The following YWHAG variants were observed in gnomAD, a reference collection of about 807,000 sequenced individuals.
The protein encoded by YWHAG is 14-3-3 protein gamma.
Under a neutral mutation model 23.3 loss-of-function variants are expected in YWHAG, and 1 was observed. The observed-to-expected ratio is 0.04, with a 90% CI of 0.02 to 0.20. The LOEUF is 0.20. Among genes scored for constraint, YWHAG ranks in the 10% least tolerant of loss-of-function variants. YWHAG has a pLI of 1.00. For missense variants in YWHAG, 151 were observed against 338.6 expected (o/e 0.45, Z 4.35); for synonymous variants, 160 against 144.0 (o/e 1.11, Z -0.80).
chr7:76,351,221 C>T (rs939179922), intron 1 of YWHAG, among the ~76,000 whole-genome samples: 2 of 152,172 alleles, frequency 1.3e-5, no homozygotes, highest in Non-Finnish European at 2.9e-5. Context: ...CACAGCCTTC[C>T]AAAGACTACA....
intron 1 of YWHAG, among the ~76,000 whole-genome samples, chr7:76,346,396 T>G (rs1803779964): frequency 6.6e-6 from 1 of 152,234 alleles, no homozygotes; most frequent in Non-Finnish European, 1.5e-5. Flanking sequence ...GAATGTCAGT[T>G]CTACCAGGGA....
At chr7:76,357,457 A>G (rs1272876393) in intron 1 of YWHAG, among the ~76,000 whole-genome samples, 1 of 152,176 alleles carries the variant, frequency 6.6e-6, no homozygotes, top group Non-Finnish European at 1.5e-5. Context: ...TCATTAGATT[A>G]ATTTTCTACC....
At chr7:76,358,543 GGCCGCGTCACA>G (rs1583997584) in intron 1 of YWHAG, among the ~76,000 whole-genome samples, 168 bp downstream of exon 1, 1 of 152,212 alleles carries the variant, frequency 6.6e-6, no homozygotes, top group East Asian at 1.9e-4. Flanking sequence ...TCCGAAAAGA[GGCCGCGTCACA>G]GCCCGGGTTC....
rs950869671 is a variant in YWHAG, at chr7:76,327,282, T to C, written c.*2295A>G. 6.6e-6 allele frequency: 1 copy of C among 151,988 alleles called. No homozygotes were observed. Among genetic ancestry groups the C allele is most frequent in the Non-Finnish European group, 1.5e-5 (1 of 67,994 alleles). 9.4% of individuals were successfully genotyped at this position (151,988 alleles called of 1,614,324 possible). Reference sequence around the variant, plus strand: ...TAATTTTTTTTGTCATAGGAATACATAACACCTACAGTATAAGTTAATCAA... The same window carrying C: ...TAATTTTTTTTGTCATAGGAATACACAACACCTACAGTATAAGTTAATCAA... On this transcript the variant is annotated 3_prime_UTR_variant, in exon 2 of 2. Coordinates refer to ENST00000307630, the MANE Select transcript of YWHAG (RefSeq NM_012479.4).
chr7:76,342,008 C>G (rs1486257896), intron 1 of YWHAG, among the ~76,000 whole-genome samples: 1 of 152,164 alleles, frequency 6.6e-6, no homozygotes, highest in African/African-American at 2.4e-5. Flanking sequence ...ATTCGAAATA[C>G]TTGATGCTTC....
intron 1 of YWHAG, among the ~76,000 whole-genome samples, chr7:76,338,339 C>T (rs10238642): frequency 1.2e-4 from 18 of 152,056 alleles, no homozygotes; most frequent in African/African-American, 4.1e-4. Context: ...GCCTCAGAGT[C>T]GTGAAATTTC....
intron 1 of YWHAG, among the ~76,000 whole-genome samples, chr7:76,337,177 C>T (rs969907303): frequency 2.0e-5 from 3 of 152,180 alleles, no homozygotes; most frequent in Non-Finnish European, 4.4e-5. Flanking sequence ...GAAAGGCCTG[C>T]TTACAAGGCT....
chr7:76,348,606 G>A (rs955542076), intron 1 of YWHAG, among the ~76,000 whole-genome samples: 15 of 151,886 alleles, frequency 9.9e-5, no homozygotes, highest in Admixed American at 7.9e-4. Context: ...GGGTTTCACC[G>A]TGTTTGCCAG....
Position 76,331,287 on chromosome 7 carries a change from G to GGAGAGGAGAA in YWHAG, c.88-1055_88-1054insTTCTCCTCTC, listed in dbSNP as rs1161619243. Among the ~76,000 whole-genome samples, 6 of 24,006 alleles carry GGAGAGGAGAA rather than the reference G, an allele frequency of 2.5e-4. No homozygotes were observed. In the South Asian group the frequency reaches 6.4e-3, roughly 25 times the overall value. 15.7% of individuals were successfully genotyped at this position (24,006 alleles called of 152,430 possible). A position where few individuals can be genotyped will look rare whatever the true frequency, so the allele number is the denominator to read the frequency against. The stretch of plus-strand genomic sequence containing the variant: ...GCACATGCCAACTGGCTGGGGATGG[G>GGAGAGGAGAA]GAGAGGAGAGGAGAGGAGAGAAGAA... On this transcript the variant is annotated intron_variant, in intron 1 of 1. Coordinates refer to ENST00000307630, the MANE Select transcript of YWHAG (RefSeq NM_012479.4).
At chr7:76,348,561 G>A (rs547570920) in intron 1 of YWHAG, among the ~76,000 whole-genome samples, 89 of 151,680 alleles carry the variant, frequency 5.9e-4, no homozygotes, top group Non-Finnish European at 7.2e-4. Flanking sequence ...CCGCCACCAC[G>A]CCCGACTAAT....
At chr7:76,331,548 G>C (rs542433087) in intron 1 of YWHAG, among the ~76,000 whole-genome samples, 1 of 149,830 alleles carries the variant, frequency 6.7e-6, no homozygotes, top group Non-Finnish European at 1.5e-5. Context: ...TTCTTTTTGC[G>C]ATTTTTTTTT....
At chr7:76,358,416 TGCACCCCTAGAGCCGCGGGGGCCGG>T (rs1476577036) in intron 1 of YWHAG, among the ~76,000 whole-genome samples, 1 of 152,154 alleles carries the variant, frequency 6.6e-6, no homozygotes, top group Non-Finnish European at 1.5e-5. Flanking sequence ...TCGGGTCCCC[TGCACCCCTAGAGCCGCGGGGGCCGG>T]AGACCCCGCT....
intron 1 of YWHAG, 126 bp from the exon 2 acceptor site, chr7:76,330,359 G>T: frequency 9.4e-7 from 1 of 1,063,972 alleles, no homozygotes; most frequent in East Asian, 2.6e-5. Flanking sequence ...TACTTTGTGT[G>T]GGCTGGGGGA....
Position 76,328,354 on chromosome 7 carries a change from T to G in YWHAG, c.*1223A>C, listed in dbSNP as rs571539098. On this transcript the variant is annotated 3_prime_UTR_variant, in exon 2 of 2. Transcript: ENST00000307630. ...GTGTTTGTTATCTGGTAACAGTTTT[T>G]TTATCTTCCTACAATTACTTGGGGA... 3.9e-5 allele frequency: 6 copies of G among 152,342 alleles called. No individual in the cohort carries two copies. In the East Asian group the frequency reaches 1.2e-3, roughly 29 times the overall value. The allele number at this position is 152,342 out of a possible 1,614,324, so 9.4% of individuals were successfully genotyped here. A position where few individuals can be genotyped will look rare whatever the true frequency, so the allele number is the denominator to read the frequency against.
At chr7:76,344,327 T>A (rs1216056262) in intron 1 of YWHAG, among the ~76,000 whole-genome samples, 1 of 152,120 alleles carries the variant, frequency 6.6e-6, no homozygotes, top group Non-Finnish European at 1.5e-5. Context: ...GCCAGGCTGG[T>A]CTTGAACTCC....
rs1389087466 is a variant in YWHAG at position 76,329,293 on chromosome 7, A to G, written c.*284T>C. The G allele has an allele frequency of 5.4e-6, 2 of 369,802 alleles. No individual in the cohort carries two copies. The highest frequency in any genetic ancestry group is 4.9e-6 in the Non-Finnish European group (1 of 204,944). The allele number at this position is 369,802 out of a possible 1,614,324, so 22.9% of individuals were successfully genotyped here. ...CATCTGAAAACCCTATTATCTAGCA[A>G]TAAGTTAAATTAGAGACAGACAGCT... On this transcript the variant is annotated 3_prime_UTR_variant, in exon 2 of 2. Transcript: ENST00000307630. The surrounding 1 kb of genome is among the most constrained non-coding windows in gnomAD (Gnocchi z 6.1).
In YWHAG at chr7:76,327,372, G is replaced by A. The variant is rs768248957; in HGVS notation, c.*2205C>T. On this transcript the variant is annotated 3_prime_UTR_variant, in exon 2 of 2. Transcript: ENST00000307630. ...AATATTGTATCAATAGAGTAATGGA[G>A]GAGTAATCATTTCACTGGAGAGACA... The A allele has an allele frequency of 1.4e-4, 21 of 152,162 alleles. No individual in the cohort carries two copies. The highest frequency in any genetic ancestry group is 2.2e-4 in the Non-Finnish European group (15 of 68,012). 9.4% of individuals were successfully genotyped at this position (152,162 alleles called of 1,614,324 possible).
chr7:76,340,572 T>C (rs1803677713), intron 1 of YWHAG, among the ~76,000 whole-genome samples: 1 of 152,200 alleles, frequency 6.6e-6, no homozygotes, highest in Non-Finnish European at 1.5e-5. Context: ...TCATTTATGA[T>C]TAAGTATCAT....
chr7:76,353,179 C>T (rs1803900154), intron 1 of YWHAG, among the ~76,000 whole-genome samples: 2 of 151,966 alleles, frequency 1.3e-5, no homozygotes, highest in Non-Finnish European at 2.9e-5. Flanking sequence ...TTATTTATAA[C>T]TATTTACCTT....
Sources: gnomAD v4.1 joint callset for allele counts (sites outside exome capture counted in the v4.1 genomes callset) on GRCh38, gnomAD v4.1.1 for gene constraint, Gnocchi (gnomAD v3.1) non-coding constraint, MANE v1.5 for transcripts, NCBI Gene and HGNC (gene_info 2026-07-23, HGNC 2026-07-21) for gene names.